Variants in FLT4 observed in about 807,000 individuals in gnomAD.
FLT4 encodes fms related receptor tyrosine kinase 4.
FLT4 carries 30 observed loss-of-function variants against 163.2 expected under a neutral mutation model. The observed-to-expected ratio is 0.18, with a 90% CI of 0.14 to 0.25. FLT4 has a LOEUF of 0.25. Ranked by LOEUF, FLT4 falls within the 10% of genes least tolerant of loss-of-function variation. The pLI is 1.00. For synonymous variants in FLT4, 884 were observed against 789.5 expected (o/e 1.12, Z -2.01); for missense variants, 1,510 against 1,863.8 (o/e 0.81, Z 3.50).
chr5:180,631,748 G>A lies in FLT4; in HGVS notation c.89C>T (p.Pro30Leu), dbSNP rs1764180327. 6.2e-7 allele frequency: 1 copy of A among 1,607,606 alleles called. No individual in the cohort carries two copies. Among genetic ancestry groups the A allele is most frequent in the Non-Finnish European group, 8.5e-7 (1 of 1,177,886 alleles). Residue 30 changes from proline to leucine, a missense_variant, in exon 2 of 30, where the codon CCG becomes CTG. Pro to Leu is a moderately conservative substitution (Grantham distance 98). Around this residue, in one of 5 missense-constraint regions of FLT4, gnomAD observed 157 missense variants for 178.7 expected, o/e 0.88. Transcript: ENST00000261937. ...GLVSGYSMTP[P>L]TLNITEESHV... ...TGACTCCTCCGTGATGTTCAAGGTC[G>A]GGGGGGTCATGGAGTAGCCACTCAC...
At position 180,625,905 on chromosome 5, in the gene FLT4, G is replaced by C. The variant is rs770875173; in HGVS notation, c.1385C>G (p.Pro462Arg). 13 of 1,612,178 alleles carry C rather than the reference G, an allele frequency of 8.1e-6. No homozygotes were observed. The highest frequency in any genetic ancestry group is 3.3e-5 in the Admixed American group (2 of 59,996). ...GGCAAACATCTTGCAGGGTGTCCAG[G>C]GCCGCCAGTGCCACTGGATGCTGAG... The part of the protein sequence containing the change: ...LPLSIQWHWR[P>R]WTPCKMFAQR... Residue 462 changes from proline (P) to arginine (R), a missense_variant, in exon 10 of 30, where the codon CCC (proline) becomes CGC (arginine). Around this residue, in one of 5 missense-constraint regions of FLT4, gnomAD observed 878 missense variants for 1,016.7 expected, o/e 0.86. Transcript: ENST00000261937.
At chr5:180,627,537 C>T (rs1219393355) in intron 8 of FLT4, among the ~76,000 whole-genome samples, 1 of 150,178 alleles carries the variant, frequency 6.7e-6, no homozygotes, top group African/African-American at 2.5e-5. Context: ...CAAGGACCAG[C>T]CCATCTGTGT....
intron 8 of FLT4, among the ~76,000 whole-genome samples, chr5:180,628,285 C>G (rs1763796163): frequency 1.3e-5 from 2 of 152,208 alleles, no homozygotes; most frequent in African/African-American, 4.8e-5. Context: ...CCCCCCAGAG[C>G]CTGCAGGGAG....
At chr5:180,625,262 CCT>C (rs1448102981) in intron 10 of FLT4, among the ~76,000 whole-genome samples, 4 of 152,246 alleles carry the variant, frequency 2.6e-5, no homozygotes, top group Non-Finnish European at 4.4e-5. Context: ...CCTCTCACCC[CCT>C]GCTTGTCTAA....
At chr5:180,643,821 A>G (rs937997199) in intron 1 of FLT4, among the ~76,000 whole-genome samples, 1 of 147,046 alleles carries the variant, frequency 6.8e-6, no homozygotes, top group African/African-American at 2.5e-5. Context: ...ACCACTTTTA[A>G]CAGGTTTTTT....
At chr5:180,615,500 G>C (rs866689079) in intron 23 of FLT4, among the ~76,000 whole-genome samples, 8 of 72,094 alleles carry the variant, frequency 1.1e-4, no homozygotes, top group Non-Finnish European at 1.7e-4. Context: ...GAGCACTGGG[G>C]CCCCGCCGGT....
In FLT4 at chr5:180,610,159, G is replaced by A. The variant is rs1023432854; in HGVS notation, c.3687-134C>T. ...GGGGCAGGAGTATGGATGGGCCTGG[G>A]CCTGAGTGCTGGCAGGGGCTCCTCC... On this transcript the variant is annotated intron_variant, in intron 27 of 29. Transcript: ENST00000261937. The A allele has an allele frequency of 1.3e-5, 16 of 1,279,418 alleles. No individual in the cohort carries two copies. In the African/African-American group the frequency reaches 2.1e-4, roughly 16 times the overall value. The allele number at this position is 1,279,418 out of a possible 1,614,324, so 79.3% of individuals were successfully genotyped here. A position where few individuals can be genotyped will look rare whatever the true frequency, so the allele number is the denominator to read the frequency against.
intron 1 of FLT4, among the ~76,000 whole-genome samples, chr5:180,634,119 TC>T (rs1213783197): frequency 3.9e-5 from 6 of 152,158 alleles, no homozygotes; most frequent in East Asian, 1.9e-4. Flanking sequence ...ATGGACCTCC[TC>T]CTCCCATCCT....
At chr5:180,609,134 G>C (rs958807019) in intron 28 of FLT4, 81 bp from the exon 29 acceptor site, 1 of 1,193,812 alleles carries the variant, frequency 8.4e-7, no homozygotes, top group Non-Finnish European at 1.3e-6. Flanking sequence ...AGGAAAGTGC[G>C]GCATGGTCCT....
chr5:180,637,330 G>GAA (rs375090031), intron 1 of FLT4, among the ~76,000 whole-genome samples: 26 of 118,810 alleles, frequency 2.2e-4, no homozygotes, highest in African/African-American at 6.9e-4. Context: ...TCCGTCTCAG[G>GAA]AAAAAAAAAA....
Position 180,636,865 on chromosome 5 carries a change from G to A in FLT4, c.59-5087C>T, listed in dbSNP as rs984896454. 1.3e-5 allele frequency among the ~76,000 whole-genome samples: 2 copies of A among 151,568 alleles called. No homozygotes were observed. The highest frequency in any genetic ancestry group is 4.9e-5 in the African/African-American group (2 of 41,174). The stretch of plus-strand genomic sequence containing the variant: ...TGCCCCGTCCTGGTGCGTGGGGTCC[G>A]CAGCCGCCTCTCTGCATGCTCCCTC... On this transcript the variant is annotated intron_variant, in intron 1 of 29. Transcript: ENST00000261937. The surrounding 1 kb of genome is among the most constrained non-coding windows in gnomAD (Gnocchi z 4.3).
intron 1 of FLT4, 72 bp from the exon 2 acceptor site, chr5:180,631,850 C>T: frequency 9.3e-7 from 1 of 1,076,310 alleles, no homozygotes; most frequent in Non-Finnish European, 1.4e-6. Context: ...CATGGCTGGG[C>T]ATTCTGCATC....
Position 180,625,954 on chromosome 5 carries a change from T to C in FLT4, c.1336A>G (p.Thr446Ala), listed in dbSNP as rs750135480. 8.7e-6 allele frequency: 14 copies of C among 1,612,730 alleles called. No homozygotes were observed. Among genetic ancestry groups the C allele is most frequent in the Non-Finnish European group, 1.2e-5 (14 of 1,179,964 alleles). Residue 446 changes from threonine to alanine, a missense_variant, in exon 10 of 30, where the codon ACG becomes GCG. Physicochemically the swap from Thr to Ala is moderately conservative, Grantham distance 58. This residue lies in a region of FLT4 where 878 missense variants were observed against 1,016.7 expected (regional missense o/e 0.86). Transcript: ENST00000261937. ...AGAGGCAGGGGCACCCCGTAGGCCG[T>C]GCAGGTGAGGGCCTGGCGGCTGTGA... is the stretch of plus-strand genomic sequence containing the variant. ...SRHSRQALTC[T>A]AYGVPLPLSI...
intron 5 of FLT4, 25 bp from the exon 6 acceptor site, chr5:180,629,860 C>T: frequency 1.9e-6 from 3 of 1,612,602 alleles, no homozygotes; most frequent in Non-Finnish European, 2.5e-6. Context: ...ACAGTGACTC[C>T]CACGCCCTCA....
chr5:180,645,704 G>A (rs758880597), intron 1 of FLT4, among the ~76,000 whole-genome samples: 1 of 152,188 alleles, frequency 6.6e-6, no homozygotes, highest in Non-Finnish European at 1.5e-5. Flanking sequence ...CAGGGCTGGC[G>A]CCCTGCTCCT....
At position 180,620,224 on chromosome 5, in the gene FLT4, G is replaced by A. The variant is rs776853944; in HGVS notation, c.2491C>T (p.Leu831=). 13 of 1,611,572 alleles carry A rather than the reference G, an allele frequency of 8.1e-6. No homozygotes were observed. Among genetic ancestry groups the A allele is most frequent in the Non-Finnish European group, 1.0e-5 (12 of 1,179,968 alleles). The change falls in exon 17 of 30, where the codon CTG becomes TTG. Residue 831 remains leucine (L), a synonymous_variant. Coordinates refer to ENST00000261937, the MANE Select transcript of FLT4 (RefSeq NM_182925.5). This position sits in a 1 kb window ranked among gnomAD's most constrained non-coding sequence, Gnocchi z 4.4. ...EVPLEEQCEY[L]SYDASQWEFP... is the part of the protein sequence containing the mutation. ...TCCCACTGGCTGGCATCGTAGGACA[G>A]GTATTCGCATTGCTCCTCCAGAGGC...
At chr5:180,645,858 A>G (rs1378392434) in intron 1 of FLT4, among the ~76,000 whole-genome samples, 1 of 152,046 alleles carries the variant, frequency 6.6e-6, no homozygotes, top group Admixed American at 6.5e-5. Context: ...CACTGACTGA[A>G]TCTTGCTCAG....
rs541004213 is a variant in FLT4, at chr5:180,601,526, C to A, written c.*1666G>T. On this transcript the variant is annotated 3_prime_UTR_variant, in exon 30 of 30. Coordinates refer to ENST00000261937, the MANE Select transcript of FLT4 (RefSeq NM_182925.5). Reference sequence around the variant, plus strand: ...TCCCGTCCGCAACACACACAAAGACCGGCATCAGATTTATTATTATCTCTT... The same window carrying A: ...TCCCGTCCGCAACACACACAAAGACAGGCATCAGATTTATTATTATCTCTT... The A allele has an allele frequency of 4.3e-6, 1 of 232,486 alleles. No individual in the cohort carries two copies. 14.4% of individuals were successfully genotyped at this position (232,486 alleles called of 1,614,324 possible).
At position 180,620,739 on chromosome 5, in the gene FLT4, CGTGTGTGT is replaced by C; in HGVS notation, c.2300-32_2300-25del. The C allele has an allele frequency of 1.3e-6, 2 of 1,533,678 alleles. No individual in the cohort carries two copies. Among genetic ancestry groups the C allele is most frequent in the Admixed American group, 1.7e-5 (1 of 58,818 alleles). On this transcript the variant is annotated intron_variant, in intron 15 of 29. Transcript: ENST00000261937. The surrounding 1 kb of genome is among the most constrained non-coding windows in gnomAD (Gnocchi z 4.4). Reference sequence around the variant, plus strand: ...GCCTGCGTGGGCAGAAAGGGGCCGGCGTGTGTGTGTGTGTGTGTAAGAGCGTGCACCTG... The same window carrying C: ...GCCTGCGTGGGCAGAAAGGGGCCGGCGTGTGTGTGTAAGAGCGTGCACCTG...
Sources: allele counts gnomAD v4.1 joint callset (sites outside exome capture counted in the v4.1 genomes callset), GRCh38; gene constraint gnomAD v4.1.1; regional missense constraint gnomAD v4.1.1; non-coding constraint Gnocchi (gnomAD v3.1); transcripts MANE v1.5; gene names NCBI Gene and HGNC (gene_info 2026-07-23, HGNC 2026-07-21).